Variants in STEEP1 observed in about 807,000 individuals in gnomAD.
STEEP1 encodes STING1 ER exit protein 1.
A neutral mutation model predicts 19.2 loss-of-function variants in STEEP1; 3 were observed. The observed-to-expected ratio is 0.16, with a 90% CI of 0.07 to 0.40. The LOEUF is 0.40. Among genes scored for constraint, STEEP1 ranks in the 10% least tolerant of loss-of-function variants. The probability of loss-of-function intolerance (pLI) is 0.99; values close to 1 mark genes in which losing one functional copy is unlikely to be tolerated. For missense variants in STEEP1, 54 were observed against 177.1 expected (o/e 0.30, Z 3.94); for synonymous variants, 46 against 63.7 (o/e 0.72, Z 1.32).
At chrX:119,541,624 A>T (rs2053161521) in intron 5 of STEEP1, among the ~76,000 whole-genome samples, 1 of 112,080 alleles carries the variant, frequency 8.9e-6, no homozygotes, top group South Asian at 3.7e-4. Context: ...GTTTGTTTTG[A>T]GACAGAGACT....
intron 2 of STEEP1, among the ~76,000 whole-genome samples, chrX:119,552,060 A>AT (rs1275692138): frequency 1.8e-5 from 2 of 109,492 alleles, no homozygotes; most frequent in Non-Finnish European, 3.8e-5. Context: ...CGCCCAGCTA[A>AT]TTTTTTGTAT....
rs913114552 is a variant in STEEP1 at position 119,538,718 on chromosome X, G to A, written c.*1009C>T. The A allele has an allele frequency of 1.8e-5, 2 of 111,456 alleles. No homozygotes were observed. The highest frequency in any genetic ancestry group is 6.5e-5 in the African/African-American group (2 of 30,582). The allele number at this position is 111,456 out of a possible 1,213,427, so 9.2% of individuals were successfully genotyped here. ...CCCAAACTGCTAGGATTACAGGCGT[G>A]AGCCACCGTACCCGGCCACCCTTGG... On this transcript the variant is annotated 3_prime_UTR_variant, in exon 7 of 7. Coordinates refer to ENST00000644802, the MANE Select transcript of STEEP1 (RefSeq NM_022101.4).
chrX:119,546,578 C>T (rs1461648807), intron 2 of STEEP1, among the ~76,000 whole-genome samples: 1 of 111,031 alleles, frequency 9.0e-6, no homozygotes, highest in African/African-American at 3.3e-5. Flanking sequence ...TGCCCAAAGT[C>T]GTGGAGCTAG....
At chrX:119,560,221 C>T in intron 2 of STEEP1, 47 bp downstream of exon 2, 1 of 903,108 alleles carries the variant, frequency 1.1e-6, no homozygotes, top group Non-Finnish European at 1.6e-6. Context: ...CAGAAACAGA[C>T]TCCAACACAA....
At chrX:119,557,500 AAAGAAAAAAG>A (rs2053289948) in intron 2 of STEEP1, among the ~76,000 whole-genome samples, 2 of 107,423 alleles carry the variant, frequency 1.9e-5, no homozygotes, top group Non-Finnish European at 3.9e-5. Context: ...AAAAAAGAAA[AAAGAAAAAAG>A]AAAAAAAAAT....
At chrX:119,553,683 A>G (rs776083821) in intron 2 of STEEP1, among the ~76,000 whole-genome samples, 43 of 111,681 alleles carry the variant, frequency 3.9e-4, no homozygotes, top group Non-Finnish European at 5.6e-4. Flanking sequence ...TCCCACTGGG[A>G]CTAAATTCAA....
chrX:119,542,007 G>C (rs1301649194), intron 5 of STEEP1, among the ~76,000 whole-genome samples: 1 of 105,510 alleles, frequency 9.5e-6, no homozygotes, highest in East Asian at 3.0e-4. Flanking sequence ...ATGTCCCTGA[G>C]ATTCAAGGAA....
At chrX:119,540,677 T>C (rs771348693) in intron 6 of STEEP1, among the ~76,000 whole-genome samples, 14 of 112,642 alleles carry the variant, frequency 1.2e-4, no homozygotes, top group African/African-American at 3.2e-4. Flanking sequence ...CCCTATCATG[T>C]GCCATTACAT....
intron 5 of STEEP1, 148 bp downstream of exon 5, chrX:119,542,357 C>CACCCA (rs77586550): frequency 0.049 from 21,307 of 437,392 alleles, 453 homozygotes; most frequent in South Asian, 0.092. Flanking sequence ...TGAGCCACCA[C>CACCCA]ACCCAGCCCA....
chrX:119,544,541 A>G, intron 3 of STEEP1, 50 bp from the exon 4 acceptor site: 1 of 1,153,142 alleles, frequency 8.7e-7, no homozygotes, highest in Admixed American at 2.2e-5. Context: ...CAAATTCCCA[A>G]AACAGCAATT....
Position 119,541,493 on chromosome X carries a change from T to C in STEEP1, c.514-73A>G, listed in dbSNP as rs1165791264. On this transcript the variant is annotated intron_variant, in intron 5 of 6. Coordinates refer to ENST00000644802, the MANE Select transcript of STEEP1 (RefSeq NM_022101.4). ...TAACAACAAAGACGTTAAGTCATAA[T>C]GTATACTACTCAAATCATGAAATCA... is the stretch of plus-strand genomic sequence containing the variant. 8.7e-5 allele frequency: 52 copies of C among 595,503 alleles called. 2 individuals carry two copies. In the South Asian group the frequency reaches 1.2e-3, roughly 14 times the overall value. 49.1% of individuals were successfully genotyped at this position (595,503 alleles called of 1,213,427 possible).
At chrX:119,565,145 C>T (rs1438619469) in intron 1 of STEEP1, 87 bp downstream of exon 1, 1 of 1,114,775 alleles carries the variant, frequency 9.0e-7, no homozygotes, top group South Asian at 2.4e-5. Flanking sequence ...TGAGAAGTGG[C>T]TCCCAGATCA....
intron 4 of STEEP1, 119 bp downstream of exon 4, chrX:119,544,234 G>T: frequency 1.4e-5 from 7 of 512,121 alleles, no homozygotes; most frequent in Non-Finnish European, 1.8e-5. Context: ...GACAAAAAAA[G>T]AAAAAGAAAT....
chrX:119,565,386 C>G lies in STEEP1; in HGVS notation c.-31G>C. The G allele has an allele frequency of 8.9e-7, 1 of 1,120,534 alleles. No homozygotes were observed. The highest frequency in any genetic ancestry group is 1.2e-6 in the Non-Finnish European group (1 of 820,207). 92.3% of individuals were successfully genotyped at this position (1,120,534 alleles called of 1,213,427 possible). A position where few individuals can be genotyped will look rare whatever the true frequency, so the allele number is the denominator to read the frequency against. On this transcript the variant is annotated 5_prime_UTR_variant, in exon 1 of 7. Transcript: ENST00000644802. The stretch of plus-strand genomic sequence containing the variant: ...CCAAGAGCAATCTGAAAACTCTACG[C>G]CAAGAAGAGGGTCGCCCCGAAATGA...
chrX:119,558,949 G>C (rs1479668182), intron 2 of STEEP1, among the ~76,000 whole-genome samples: 1 of 110,926 alleles, frequency 9.0e-6, no homozygotes, highest in African/African-American at 3.3e-5. Context: ...GGGCGCAGTG[G>C]CTCACCCCTC....
intron 2 of STEEP1, among the ~76,000 whole-genome samples, chrX:119,558,783 C>A (rs1250422085): frequency 9.0e-6 from 1 of 111,018 alleles, no homozygotes; most frequent in Non-Finnish European, 1.9e-5. Flanking sequence ...TGTTCCAATT[C>A]TTTTGTCTGC....
intron 5 of STEEP1, among the ~76,000 whole-genome samples, chrX:119,542,055 C>CTT (rs201339708): frequency 0.011 from 943 of 82,488 alleles, 74 homozygotes; most frequent in Non-Finnish European, 0.018. Flanking sequence ...CTTTTCTTTT[C>CTT]TTTTTTTTTT....
chrX:119,539,766 C>T lies in STEEP1; in HGVS notation c.630G>A (p.Ala210=), dbSNP rs745788287. 5.7e-5 allele frequency: 69 copies of T among 1,205,943 alleles called. No individual in the cohort carries two copies. The highest frequency in any genetic ancestry group is 6.9e-5 in the Non-Finnish European group (62 of 892,645). Residue 210 remains alanine, a synonymous_variant, in exon 7 of 7, where the codon GCG becomes GCA. Coordinates refer to ENST00000644802, the MANE Select transcript of STEEP1 (RefSeq NM_022101.4). Reference sequence around the variant, plus strand: ...TGTCAATCAAGGTCCCCTTCATTTTCGCTTTCTTGGCTTCCAATTCAGCCT... The same window carrying T: ...TGTCAATCAAGGTCCCCTTCATTTTTGCTTTCTTGGCTTCCAATTCAGCCT... ...QELAELEAKK[A]KMKGTLIDNQ... is the part of the protein sequence containing the mutation.
At position 119,540,827 on chromosome X, in the gene STEEP1, C is replaced by G. The variant is rs2053157746; in HGVS notation, c.606+501G>C. 3.6e-5 allele frequency among the ~76,000 whole-genome samples: 4 copies of G among 111,873 alleles called. No individual in the cohort carries two copies. In the Admixed American group the frequency reaches 3.8e-4, roughly 11 times the overall value. The stretch of plus-strand genomic sequence containing the variant: ...TTGGGAGCCCGAGGCGGGCAGATCA[C>G]CTGAGGTCAGGAGTTCGAGACCAGC... On this transcript the variant is annotated intron_variant, in intron 6 of 6. Coordinates refer to ENST00000644802, the MANE Select transcript of STEEP1 (RefSeq NM_022101.4).
Sources: gnomAD v4.1 joint callset for allele counts (sites outside exome capture counted in the v4.1 genomes callset) on GRCh38, gnomAD v4.1.1 for gene constraint, MANE v1.5 for transcripts, NCBI Gene and HGNC (gene_info 2026-07-23, HGNC 2026-07-21) for gene names.